Variants in RORA observed in about 807,000 individuals in gnomAD.
RORA encodes the protein RAR related orphan receptor A, also known as nuclear receptor ROR-alpha.
Under a neutral mutation model 69.5 loss-of-function variants are expected in RORA, and 7 were observed. The observed-to-expected ratio is 0.10, with a 90% CI of 0.06 to 0.19. The LOEUF (loss-of-function observed/expected upper bound fraction) is 0.19. RORA is among the 10% of genes least tolerant of loss of function. RORA has a pLI of 1.00. For synonymous variants in RORA, 261 were observed against 240.8 expected (o/e 1.08, Z -0.78); for missense variants, 457 against 663.0 (o/e 0.69, Z 3.41).
At chr15:61,011,987 A>G (rs1003264659) in intron 1 of RORA, among the ~76,000 whole-genome samples, 1 of 152,240 alleles carries the variant, frequency 6.6e-6, no homozygotes, top group African/African-American at 2.4e-5. Context: ...GGCCAATTGC[A>G]TGAAATGCAT....
chr15:61,220,551 G>C (rs1011019809), intron 1 of RORA, among the ~76,000 whole-genome samples: 1 of 152,144 alleles, frequency 6.6e-6, no homozygotes, highest in Non-Finnish European at 1.5e-5. Flanking sequence ...TTTGCTTCTG[G>C]AAGGGCGGAA....
chr15:61,021,186 C>T (rs1223566210), intron 1 of RORA, among the ~76,000 whole-genome samples: 2 of 152,304 alleles, frequency 1.3e-5, no homozygotes, highest in Middle Eastern at 3.4e-3. Context: ...TCAACGCCCC[C>T]TCTCTAGTCT....
At chr15:61,185,994 C>T (rs2079737813) in intron 1 of RORA, among the ~76,000 whole-genome samples, 1 of 152,214 alleles carries the variant, frequency 6.6e-6, no homozygotes, top group African/African-American at 2.4e-5. Context: ...GGTTAACCTT[C>T]ACTCTAAGAA....
chr15:60,697,713 CTGA>C (rs937774117), intron 1 of RORA, among the ~76,000 whole-genome samples: 1 of 152,188 alleles, frequency 6.6e-6, no homozygotes, highest in African/African-American at 2.4e-5. Flanking sequence ...TAGGGTAACT[CTGA>C]AGAGACGTAA....
intron 1 of RORA, among the ~76,000 whole-genome samples, chr15:60,763,667 G>C (rs574933765): frequency 1.2e-4 from 19 of 152,234 alleles, no homozygotes; most frequent in African/African-American, 4.1e-4. Context: ...AATATGCCAG[G>C]GGGGTAGCTC....
chr15:60,595,516 A>G (rs1483668691), intron 2 of RORA, among the ~76,000 whole-genome samples: 1 of 152,016 alleles, frequency 6.6e-6, no homozygotes, highest in Admixed American at 6.6e-5. Flanking sequence ...ATCTGTCTCA[A>G]GGAAAAAAAA....
intron 2 of RORA, among the ~76,000 whole-genome samples, chr15:60,533,935 A>G (rs1364773240): frequency 1.3e-5 from 2 of 152,218 alleles, no homozygotes; most frequent in Admixed American, 6.5e-5. Flanking sequence ...AAACTACCTG[A>G]CGCTAAACTT....
chr15:61,185,694 T>C (rs1365600783), intron 1 of RORA, among the ~76,000 whole-genome samples: 1 of 152,236 alleles, frequency 6.6e-6, no homozygotes, highest in Non-Finnish European at 1.5e-5. Flanking sequence ...TGTTCCATTC[T>C]GTGGCAGGAC....
intron 1 of RORA, among the ~76,000 whole-genome samples, chr15:61,187,364 T>C (rs1440742383): frequency 6.6e-6 from 1 of 152,112 alleles, no homozygotes; most frequent in Non-Finnish European, 1.5e-5. Context: ...TTCCGGACTA[T>C]TAATGGCATG....
intron 1 of RORA, among the ~76,000 whole-genome samples, chr15:61,159,862 A>G (rs543887166): frequency 2.8e-4 from 42 of 152,212 alleles, no homozygotes; most frequent in Non-Finnish European, 4.6e-4. Context: ...TCAACTAGAA[A>G]TATGTATGTG....
intron 1 of RORA, among the ~76,000 whole-genome samples, chr15:60,772,221 C>T (rs539488208): frequency 1.3e-5 from 2 of 152,048 alleles, no homozygotes; most frequent in African/African-American, 4.8e-5. Context: ...CCCCACCCCC[C>T]TGACAGGCCG....
chr15:61,103,856 C>T (rs2078914809), intron 1 of RORA, among the ~76,000 whole-genome samples: 1 of 152,062 alleles, frequency 6.6e-6, no homozygotes, highest in Non-Finnish European at 1.5e-5. Context: ...AAAAAGACCT[C>T]GGCAAGCACC....
chr15:61,135,012 A>G (rs2079223359), intron 1 of RORA, among the ~76,000 whole-genome samples: 1 of 152,114 alleles, frequency 6.6e-6, no homozygotes, highest in South Asian at 2.1e-4. Flanking sequence ...CACTGTCCTG[A>G]GAGATTTCAA....
intron 1 of RORA, among the ~76,000 whole-genome samples, chr15:61,043,197 A>G (rs1430118562): frequency 3.9e-5 from 6 of 152,326 alleles, no homozygotes; most frequent in Admixed American, 2.0e-4. Context: ...GAGGGCAAAC[A>G]TTCTGCCCCA....
At chr15:60,918,460 G>C (rs1479800023) in intron 1 of RORA, among the ~76,000 whole-genome samples, 1 of 152,162 alleles carries the variant, frequency 6.6e-6, no homozygotes, top group Admixed American at 6.5e-5. Context: ...CACACGGCAG[G>C]ATAATTTGCA....
intron 10 of RORA, among the ~76,000 whole-genome samples, chr15:60,497,859 G>C (rs575126932): frequency 1.2e-4 from 18 of 151,952 alleles, no homozygotes; most frequent in African/African-American, 4.3e-4. Flanking sequence ...AGGAGTTCAA[G>C]ACCAGCCTGG....
At chr15:61,026,432 G>A (rs1172979637) in intron 1 of RORA, among the ~76,000 whole-genome samples, 1 of 152,146 alleles carries the variant, frequency 6.6e-6, no homozygotes, top group African/African-American at 2.4e-5. Context: ...TTTATACAAA[G>A]GAATCATGAA....
intron 1 of RORA, among the ~76,000 whole-genome samples, chr15:60,816,507 A>T (rs1438412504): frequency 8.8e-5 from 2 of 22,808 alleles, no homozygotes; most frequent in Non-Finnish European, 1.5e-4. Context: ...TATATACTGT[A>T]AACAGTATAT....
chr15:60,505,946 T>C (rs931841935), intron 5 of RORA, among the ~76,000 whole-genome samples: 1 of 152,228 alleles, frequency 6.6e-6, no homozygotes, highest in African/African-American at 2.4e-5. Flanking sequence ...TAGGAAATGA[T>C]TGACGTGGTG....
Sources: gnomAD v4.1 joint callset for allele counts (sites outside exome capture counted in the v4.1 genomes callset) on GRCh38, gnomAD v4.1.1 for gene constraint, MANE v1.5 for transcripts, NCBI Gene and HGNC (gene_info 2026-07-23, HGNC 2026-07-21) for gene names.